Variants in RFX8 observed in about 807,000 individuals in gnomAD.
RFX8 encodes regulatory factor X8.
Under a neutral mutation model 54.6 loss-of-function variants are expected in RFX8, and 46 were observed. The ratio of observed to expected loss-of-function variants is 0.84; its 90% CI spans 0.67 to 1.08. The LOEUF is 1.08. RFX8 is among the 50% of genes least tolerant of loss of function. The pLI, the probability that RFX8 is intolerant of heterozygous loss-of-function variation, is 0.00. For missense variants in RFX8, 536 were observed against 562.3 expected (o/e 0.95, Z 0.47); for synonymous variants, 192 against 209.5 (o/e 0.92, Z 0.72).
At chr2:101,443,622 G>T (rs887537147) in intron 2 of RFX8, among the ~76,000 whole-genome samples, 2 of 152,110 alleles carry the variant, frequency 1.3e-5, no homozygotes, top group African/African-American at 4.8e-5. Context: ...AGGTAGACTG[G>T]GTAGAGACGA....
intron 11 of RFX8, among the ~76,000 whole-genome samples, chr2:101,398,060 G>A (rs573439509): frequency 7.2e-4 from 110 of 152,260 alleles, no homozygotes; most frequent in Middle Eastern, 3.4e-3. Context: ...GTTTCACTAC[G>A]TTGGCCAGGC....
intron 2 of RFX8, among the ~76,000 whole-genome samples, chr2:101,449,812 C>T (rs1003958198): frequency 1.2e-4 from 18 of 151,042 alleles, no homozygotes; most frequent in Admixed American, 1.2e-3. Flanking sequence ...AGAGTAATGG[C>T]GATTATCAAG....
intron 7 of RFX8, 91 bp from the exon 8 acceptor site, chr2:101,413,162 G>C: frequency 9.9e-7 from 1 of 1,010,764 alleles, no homozygotes; most frequent in Non-Finnish European, 1.5e-6. Flanking sequence ...TTTTTGTTGT[G>C]GGGGAGAAAG....
In RFX8 at chr2:101,402,502, G is replaced by A. The variant is rs116596786; in HGVS notation, c.1179C>T (p.Pro393=). 1,260 of 1,551,740 alleles carry A rather than the reference G, an allele frequency of 8.1e-4. 10 individuals carry two copies. In the African/African-American group the frequency reaches 0.015, roughly 18 times the overall value. ...MPTHMGQGRY[P]VGVSNMVLRI... ...TGAGGACCATGTTGCTCACACCCAC[G>A]GGATATCGGCCCTGGCCCATGTGTG... The change falls in exon 11 of 12, where the codon CCC becomes CCT. Residue 393 remains proline (P), a synonymous_variant. Transcript: ENST00000428343.
chr2:101,406,080 A>T lies in RFX8; in HGVS notation c.814-23T>A, dbSNP rs985232655. The stretch of plus-strand genomic sequence containing the variant: ...TGTCTGTTAAGTTTTTGTGAGAAAA[A>T]AGGCTGCAGTTTGTAATAAAATCAA... On this transcript the variant is annotated intron_variant, in intron 9 of 11. Coordinates refer to ENST00000428343, the MANE Select transcript of RFX8 (RefSeq NM_001145664.2). The T allele has an allele frequency of 1.5e-5, 21 of 1,372,538 alleles. No homozygotes were observed. The African/African-American group carries it at 2.5e-4, about 16-fold the overall frequency. 85.0% of individuals were successfully genotyped at this position (1,372,538 alleles called of 1,614,324 possible).
intron 4 of RFX8, chr2:101,421,306 T>C: frequency 1.0e-6 from 1 of 988,152 alleles, no homozygotes; most frequent in Non-Finnish European, 1.2e-6. Context: ...AATCCAATCG[T>C]GACAATACCC....
chr2:101,408,482 CAA>C (rs70943080), intron 9 of RFX8, among the ~76,000 whole-genome samples: 9 of 136,424 alleles, frequency 6.6e-5, no homozygotes, highest in East Asian at 2.2e-4. Context: ...GACTCCGTCT[CAA>C]AAAAAAAAAA....
intron 1 of RFX8, among the ~76,000 whole-genome samples, chr2:101,472,210 T>C (rs4851456): frequency 0.99 from 150,993 of 152,320 alleles, 74,873 homozygotes; most frequent in Middle Eastern, 1. Flanking sequence ...AAGCGATTCT[T>C]CTGCCTCAGC....
chr2:101,436,649 C>T (rs571312500), intron 2 of RFX8, among the ~76,000 whole-genome samples: 8 of 152,264 alleles, frequency 5.3e-5, no homozygotes, highest in South Asian at 2.1e-4. Flanking sequence ...GACCAACATA[C>T]TCATCATAGG....
chr2:101,404,849 T>G (rs1210947091), intron 10 of RFX8, among the ~76,000 whole-genome samples: 1 of 152,116 alleles, frequency 6.6e-6, no homozygotes, highest in East Asian at 1.9e-4. Context: ...TATAAGTGAG[T>G]GTCACCTATA....
chr2:101,456,010 C>G (rs1241285577), intron 2 of RFX8, among the ~76,000 whole-genome samples: 1 of 151,960 alleles, frequency 6.6e-6, no homozygotes, highest in Non-Finnish European at 1.5e-5. Flanking sequence ...TGATTTGGCT[C>G]TCTGTCTGTA....
chr2:101,463,639 G>A (rs1689409805), intron 2 of RFX8, among the ~76,000 whole-genome samples: 1 of 152,232 alleles, frequency 6.6e-6, no homozygotes, highest in Admixed American at 6.5e-5. Context: ...CACCAAGCCT[G>A]GGGATGCACA....
rs1204862084 is a variant in RFX8 at position 101,460,848 on chromosome 2, A to C, written c.72+5929T>G. Among the ~76,000 whole-genome samples, 4 of 151,272 alleles carry C rather than the reference A, an allele frequency of 2.6e-5. No homozygotes were observed. In the East Asian group the frequency reaches 5.9e-4, roughly 22 times the overall value. ...TTCTACCTCTTCCTGCAGGAAGTCCACACAAGCTGGGATGAGGGGGAGGCA... is the reference window on the plus strand; with the variant it reads ...TTCTACCTCTTCCTGCAGGAAGTCCCCACAAGCTGGGATGAGGGGGAGGCA... On this transcript the variant is annotated intron_variant, in intron 2 of 11. Coordinates refer to ENST00000428343, the MANE Select transcript of RFX8 (RefSeq NM_001145664.2).
intron 2 of RFX8, among the ~76,000 whole-genome samples, chr2:101,426,876 C>T (rs1200344284): frequency 6.6e-6 from 1 of 152,160 alleles, no homozygotes; most frequent in Non-Finnish European, 1.5e-5. Flanking sequence ...ATTATCACCC[C>T]CCAAAGCAAA....
chr2:101,397,713 C>A lies in RFX8; in HGVS notation c.1257G>T (p.Val419=), dbSNP rs1158234439. ...DTAMGNKLIQ[V]LLEDETTESA... ...TTTCAGTGGTTTCATCTTCCAACAGCACCTGGATGAGCTGCAAGAGGGAAA... is the reference window on the plus strand; with the variant it reads ...TTTCAGTGGTTTCATCTTCCAACAGAACCTGGATGAGCTGCAAGAGGGAAA... The change falls in exon 12 of 12, where the codon GTG becomes GTT. Residue 419 remains valine (V), a synonymous_variant. Coordinates refer to ENST00000428343, the MANE Select transcript of RFX8 (RefSeq NM_001145664.2). 6.5e-7 allele frequency: 1 copy of A among 1,548,240 alleles called. No individual in the cohort carries two copies. Among genetic ancestry groups the A allele is most frequent in the Non-Finnish European group, 8.7e-7 (1 of 1,145,918 alleles).
intron 2 of RFX8, among the ~76,000 whole-genome samples, chr2:101,445,637 C>T (rs955510551): frequency 6.6e-6 from 1 of 151,524 alleles, no homozygotes; most frequent in African/African-American, 2.4e-5. Flanking sequence ...GCTTTATTGC[C>T]CAGGCTGGTC....
chr2:101,415,627 A>G (rs1686450509), intron 6 of RFX8, among the ~76,000 whole-genome samples: 1 of 152,160 alleles, frequency 6.6e-6, no homozygotes, highest in Admixed American at 6.5e-5. Flanking sequence ...GAACGCATTC[A>G]TTCATTTGAC....
chr2:101,471,250 C>T (rs1410135908), intron 1 of RFX8, among the ~76,000 whole-genome samples: 1 of 151,998 alleles, frequency 6.6e-6, no homozygotes, highest in Non-Finnish European at 1.5e-5. Context: ...AGGAGAATCA[C>T]TTGAACCTGG....
chr2:101,458,045 T>C (rs1689079163), intron 2 of RFX8, among the ~76,000 whole-genome samples: 1 of 152,182 alleles, frequency 6.6e-6, no homozygotes, highest in South Asian at 2.1e-4. Context: ...TGCTTTTTTT[T>C]CGCTTTGCAT....
Sources: allele counts gnomAD v4.1 joint callset (sites outside exome capture counted in the v4.1 genomes callset), GRCh38; gene constraint gnomAD v4.1.1; transcripts MANE v1.5; gene names NCBI Gene and HGNC (gene_info 2026-07-23, HGNC 2026-07-21).